Variants in ORC3 observed in about 807,000 individuals in gnomAD.
The protein encoded by ORC3 is origin recognition complex subunit 3.
In ORC3, 78 loss-of-function variants were observed where a neutral mutation model predicts 100.7. The ratio of observed to expected loss-of-function variants is 0.77; its 90% CI spans 0.65 to 0.94. The LOEUF (loss-of-function observed/expected upper bound fraction) is 0.94. ORC3 is among the 40% of genes least tolerant of loss of function. ORC3 has a pLI of 0.00. For synonymous variants in ORC3, 295 were observed against 289.3 expected (o/e 1.02, Z -0.20); for missense variants, 789 against 823.9 (o/e 0.96, Z 0.52).
intron 17 of ORC3, among the ~76,000 whole-genome samples, chr6:87,664,362 G>A (rs1315040580): frequency 2.0e-5 from 3 of 152,154 alleles, no homozygotes; most frequent in Non-Finnish European, 2.9e-5. Flanking sequence ...TACTAATACA[G>A]TATAGTAATT....
At chr6:87,594,445 T>C (rs754597977) in intron 2 of ORC3, 38 bp downstream of exon 2, 1 of 1,518,948 alleles carries the variant, frequency 6.6e-7, no homozygotes, top group Non-Finnish European at 9.0e-7. Flanking sequence ...ATTCCCTACC[T>C]TCTTAAACTA....
At chr6:87,621,881 C>A (rs1779556893) in intron 10 of ORC3, 69 bp from the exon 11 acceptor site, 20 of 1,072,480 alleles carry the variant, frequency 1.9e-5, no homozygotes, top group Non-Finnish European at 2.8e-5. Flanking sequence ...TTCTTTTTCC[C>A]AATATGCTAT....
At chr6:87,619,301 A>G (rs1432449983) in intron 9 of ORC3, among the ~76,000 whole-genome samples, 1 of 152,208 alleles carries the variant, frequency 6.6e-6, no homozygotes, top group Non-Finnish European at 1.5e-5. Context: ...CAGTTTTCTC[A>G]TTTGTAAAAT....
At chr6:87,638,387 T>G (rs1767982027) in intron 13 of ORC3, among the ~76,000 whole-genome samples, 1 of 152,200 alleles carries the variant, frequency 6.6e-6, no homozygotes. Flanking sequence ...TTGAGACCAT[T>G]CTCATCACCT....
intron 13 of ORC3, among the ~76,000 whole-genome samples, chr6:87,648,226 A>C (rs555828613): frequency 2.4e-4 from 37 of 152,118 alleles, no homozygotes; most frequent in Middle Eastern, 3.4e-3. Flanking sequence ...AAAACAAAAC[A>C]AAACCAAAAA....
At chr6:87,664,390 T>C (rs886450277) in intron 17 of ORC3, among the ~76,000 whole-genome samples, 1 of 152,180 alleles carries the variant, frequency 6.6e-6, no homozygotes, top group Non-Finnish European at 1.5e-5. Context: ...TTCAGCTAAT[T>C]ATAAGTGTTG....
chr6:87,632,603 C>G (rs1767512790), intron 11 of ORC3, among the ~76,000 whole-genome samples: 1 of 152,134 alleles, frequency 6.6e-6, no homozygotes. Flanking sequence ...TGGCTCACAC[C>G]TGTAATCCCA....
intron 13 of ORC3, among the ~76,000 whole-genome samples, chr6:87,645,954 T>G (rs1027536917): frequency 2.0e-5 from 3 of 151,892 alleles, no homozygotes; most frequent in African/African-American, 4.8e-5. Flanking sequence ...ACCATTTACC[T>G]GATAGTGAAA....
At chr6:87,619,632 C>T (rs1333616853) in intron 9 of ORC3, among the ~76,000 whole-genome samples, 3 of 152,216 alleles carry the variant, frequency 2.0e-5, no homozygotes, top group Non-Finnish European at 4.4e-5. Flanking sequence ...TCTCGAACTT[C>T]TGACCTCCGG....
the ORC3 span, chr6:87,675,519 T>C: frequency 1.0e-5 from 16 of 1,568,934 alleles, no homozygotes; most frequent in Non-Finnish European, 1.4e-5. Context: ...GGTATTGGCA[T>C]TGCTGCATGT....
At chr6:87,653,755 T>C (rs934150427) in intron 14 of ORC3, among the ~76,000 whole-genome samples, 3 of 152,200 alleles carry the variant, frequency 2.0e-5, no homozygotes, top group Non-Finnish European at 2.9e-5. Context: ...TTAATCGGAT[T>C]TACAAAAGCT....
At chr6:87,657,190 A>G (rs898224780) in intron 15 of ORC3, 21 of 411,492 alleles carry the variant, frequency 5.1e-5, no homozygotes, top group African/African-American at 3.7e-4. Flanking sequence ...GGAACCTACT[A>G]GCTAACATAG....
chr6:87,657,054 C>T, intron 15 of ORC3, 72 bp downstream of exon 15: 4 of 951,278 alleles, frequency 4.2e-6, no homozygotes, highest in Non-Finnish European at 6.8e-6. Context: ...TCTAGATTAA[C>T]TCTGCCTGGA....
chr6:87,642,317 A>T lies in ORC3; in HGVS notation c.1382+5831A>T, dbSNP rs753676146. Among the ~76,000 whole-genome samples, 130 of 152,254 alleles carry T rather than the reference A, an allele frequency of 8.5e-4. 1 individual carries two copies. Among genetic ancestry groups the T allele is most frequent in the Non-Finnish European group, 1.0e-3 (70 of 68,018 alleles). On this transcript the variant is annotated intron_variant, in intron 13 of 19. Coordinates refer to ENST00000392844, the MANE Select transcript of ORC3 (RefSeq NM_012381.4). ...AAAAAAATTAATAAATAGGCCGAGCATAGTGGCTGACGCCTGTAATTCAAG... is the reference window on the plus strand; with the variant it reads ...AAAAAAATTAATAAATAGGCCGAGCTTAGTGGCTGACGCCTGTAATTCAAG...
At chr6:87,623,438 G>A (rs974487338) in intron 11 of ORC3, among the ~76,000 whole-genome samples, 5 of 152,210 alleles carry the variant, frequency 3.3e-5, no homozygotes, top group Non-Finnish European at 7.3e-5. Flanking sequence ...AGCTAGATTA[G>A]CTCTCTGTTG....
chr6:87,603,091 C>T (rs1778085813), intron 3 of ORC3, among the ~76,000 whole-genome samples: 1 of 150,280 alleles, frequency 6.7e-6, no homozygotes, highest in Non-Finnish European at 1.5e-5. Flanking sequence ...GTGACCCTCT[C>T]ACCTCAGCTT....
At chr6:87,642,880 C>T (rs1007911335) in intron 13 of ORC3, among the ~76,000 whole-genome samples, 3 of 150,140 alleles carry the variant, frequency 2.0e-5, no homozygotes, top group East Asian at 1.9e-4. Context: ...CCAGCCTGGG[C>T]GACAGAGCAA....
chr6:87,625,208 C>T (rs1430827060), intron 11 of ORC3, among the ~76,000 whole-genome samples: 2 of 152,130 alleles, frequency 1.3e-5, no homozygotes, highest in Non-Finnish European at 2.9e-5. Flanking sequence ...TGGGTATATA[C>T]CCAGTAATGG....
At chr6:87,599,972 C>G (rs1377839983) in intron 2 of ORC3, among the ~76,000 whole-genome samples, 1 of 152,086 alleles carries the variant, frequency 6.6e-6, no homozygotes, top group Non-Finnish European at 1.5e-5. Flanking sequence ...GACCCTGTCT[C>G]AAATAATAGT....
Sources: gnomAD v4.1 joint callset for allele counts (sites outside exome capture counted in the v4.1 genomes callset) on GRCh38, gnomAD v4.1.1 for gene constraint, MANE v1.5 for transcripts, NCBI Gene and HGNC (gene_info 2026-07-23, HGNC 2026-07-21) for gene names.